Variants in CACNA1E observed in about 807,000 individuals in gnomAD.
The protein encoded by CACNA1E is calcium voltage-gated channel subunit alpha1 E, also known as voltage-dependent R-type calcium channel subunit alpha-1E.
CACNA1E carries 40 observed loss-of-function variants against 259.2 expected under a neutral mutation model. The ratio of observed to expected loss-of-function variants is 0.15; its 90% confidence interval spans 0.12 to 0.20. CACNA1E has a LOEUF of 0.20. CACNA1E is among the 10% of genes least tolerant of loss of function. The pLI is 1.00. For missense variants in CACNA1E, 1,874 were observed against 3,040.1 expected (o/e 0.62, Z 9.02); for synonymous variants, 1,104 against 1,138.5 (o/e 0.97, Z 0.61).
At chr1:181,592,837 A>T (rs1652795284) in intron 6 of CACNA1E, among the ~76,000 whole-genome samples, 1 of 152,100 alleles carries the variant, frequency 6.6e-6, no homozygotes, top group Non-Finnish European at 1.5e-5. Flanking sequence ...CTTGAGTCAT[A>T]TTCTGTTAGT....
In CACNA1E at chr1:181,643,005, C is replaced by T. The variant is rs1027866479; in HGVS notation, c.952-8333C>T. Among the ~76,000 whole-genome samples, 7 of 152,232 alleles carry T rather than the reference C, an allele frequency of 4.6e-5. No homozygotes were observed. The East Asian group carries it at 1.3e-3, about 29-fold the overall frequency. On this transcript the variant is annotated intron_variant, in intron 6 of 47. Transcript: ENST00000367573. ...ACTCATTTCTACCCCCTCACTCCCC[C>T]CACAGGTTATCATCACTATTATTAA...
intron 43 of CACNA1E, among the ~76,000 whole-genome samples, chr1:181,789,950 A>G (rs1572900551): frequency 6.6e-6 from 1 of 152,372 alleles, no homozygotes; most frequent in African/African-American, 2.4e-5. Flanking sequence ...GGTACAAAGT[A>G]GTCCTTCAAT....
intron 6 of CACNA1E, among the ~76,000 whole-genome samples, chr1:181,647,434 A>G (rs1658376082): frequency 6.6e-6 from 1 of 152,134 alleles, no homozygotes; most frequent in South Asian, 2.1e-4. Context: ...CTGTAGAGAG[A>G]GAATGAGTGA....
At chr1:181,350,700 CAG>C (rs1652981349) in intron 1 of CACNA1E, among the ~76,000 whole-genome samples, 1 of 152,178 alleles carries the variant, frequency 6.6e-6, no homozygotes, top group South Asian at 2.1e-4. Context: ...TCTGTTTCAA[CAG>C]AGTCGTGGCC....
intron 3 of CACNA1E, 69 bp downstream of exon 3, chr1:181,511,579 G>A (rs1357248244): frequency 1.3e-6 from 2 of 1,561,822 alleles, no homozygotes; most frequent in Non-Finnish European, 1.8e-6. Context: ...GTGGCTGGGG[G>A]CAGGGAACCT....
chr1:181,747,468 T>TTTTTC (rs1491011287), intron 25 of CACNA1E, among the ~76,000 whole-genome samples: 1 of 136,502 alleles, frequency 7.3e-6, no homozygotes, highest in African/African-American at 2.6e-5. Flanking sequence ...TTTTTTTTTT[T>TTTTTC]TACTGGAGAG....
At chr1:181,481,172 G>A (rs1319950972), upstream of CACNA1E, among the ~76,000 whole-genome samples, 1 of 152,128 alleles carries the variant, frequency 6.6e-6, no homozygotes, top group Non-Finnish European at 1.5e-5. Flanking sequence ...GACAGAGTAA[G>A]GCAGTAATGT....
intron 6 of CACNA1E, among the ~76,000 whole-genome samples, chr1:181,586,357 T>C (rs768258513): frequency 1.4e-4 from 21 of 151,948 alleles, no homozygotes; most frequent in Non-Finnish European, 2.2e-4. Context: ...AGAAATAAAT[T>C]TGGGAGTTTT....
At chr1:181,567,396 C>T (rs1649952310) in intron 3 of CACNA1E, among the ~76,000 whole-genome samples, 1 of 152,080 alleles carries the variant, frequency 6.6e-6, no homozygotes, top group African/African-American at 2.4e-5. Flanking sequence ...TCCAGTTTGG[C>T]CATAAATTAA....
At chr1:181,717,455 A>G (rs1390587658) in intron 11 of CACNA1E, among the ~76,000 whole-genome samples, 153 bp downstream of exon 11, 1 of 152,186 alleles carries the variant, frequency 6.6e-6, no homozygotes, top group Non-Finnish European at 1.5e-5. Context: ...AGGGGGCTGG[A>G]GTATCTCATG....
At chr1:181,554,743 G>C (rs926668147) in intron 3 of CACNA1E, among the ~76,000 whole-genome samples, 1 of 152,112 alleles carries the variant, frequency 6.6e-6, no homozygotes, top group Admixed American at 6.6e-5. Context: ...TGAGCTTACT[G>C]GTTATCACTG....
chr1:181,340,539 C>T (rs1652073378), intron 1 of CACNA1E, among the ~76,000 whole-genome samples: 1 of 152,030 alleles, frequency 6.6e-6, no homozygotes, highest in Non-Finnish European at 1.5e-5. Flanking sequence ...TTTCTTTATT[C>T]ATGAATGTGG....
intron 7 of CACNA1E, among the ~76,000 whole-genome samples, chr1:181,709,315 C>A (rs756094370): frequency 6.6e-6 from 1 of 152,212 alleles, no homozygotes; most frequent in Non-Finnish European, 1.5e-5. Flanking sequence ...TCCCTTCCCC[C>A]ATAGCACCTT....
chr1:181,571,407 G>A (rs10732973), intron 3 of CACNA1E, among the ~76,000 whole-genome samples: 150,847 of 152,304 alleles, frequency 0.99, 74,714 homozygotes, highest in East Asian at 1. Flanking sequence ...GAGAAGGCAA[G>A]GGAGAAGCAT....
chr1:181,785,968 G>T (rs866167757), intron 43 of CACNA1E, 149 bp downstream of exon 43: 16 of 632,188 alleles, frequency 2.5e-5, no homozygotes, highest in Middle Eastern at 4.0e-4. Context: ...ATATCTTAAA[G>T]TGATTTTCAG....
chr1:181,318,729 G>A (rs1650109982), intron 1 of CACNA1E, among the ~76,000 whole-genome samples: 2 of 152,224 alleles, frequency 1.3e-5, no homozygotes, highest in Non-Finnish European at 2.9e-5. Flanking sequence ...TGCCTTTGGA[G>A]GCGACTCGGG....
chr1:181,392,068 G>A (rs1656340185), intron 1 of CACNA1E, among the ~76,000 whole-genome samples: 2 of 151,944 alleles, frequency 1.3e-5, no homozygotes, highest in Non-Finnish European at 2.9e-5. Flanking sequence ...GGGAGGATAA[G>A]CACAGAATAT....
intron 7 of CACNA1E, among the ~76,000 whole-genome samples, chr1:181,681,855 G>T (rs905410652): frequency 1.3e-5 from 2 of 152,114 alleles, no homozygotes; most frequent in African/African-American, 4.8e-5. Context: ...CATCTGGTTG[G>T]CTGGGGGCTT....
chr1:181,471,775 G>T (rs1662528053), intron 2 of CACNA1E, among the ~76,000 whole-genome samples: 1 of 152,040 alleles, frequency 6.6e-6, no homozygotes, highest in Non-Finnish European at 1.5e-5. Context: ...ATAATGCCTG[G>T]TGTCTGTCCC....
Sources: gnomAD v4.1 joint callset for allele counts (sites outside exome capture counted in the v4.1 genomes callset) on GRCh38, gnomAD v4.1.1 for gene constraint, MANE v1.5 for transcripts, NCBI Gene and HGNC (gene_info 2026-07-23, HGNC 2026-07-21) for gene names.